Variants in SLC6A2 observed in about 807,000 individuals in gnomAD.
SLC6A2 encodes the protein solute carrier family 6 member 2.
SLC6A2 carries 26 observed loss-of-function variants against 71.7 expected under a neutral mutation model. The observed-to-expected ratio is 0.36, with a 90% confidence interval of 0.27 to 0.50. SLC6A2 has a LOEUF of 0.50. Ranked by LOEUF, SLC6A2 falls within the 20% of genes least tolerant of loss-of-function variation. The pLI is 0.96. For synonymous variants in SLC6A2, 363 were observed against 337.9 expected (o/e 1.07, Z -0.82); for missense variants, 581 against 803.9 (o/e 0.72, Z 3.35).
chr16:55,685,385 C>T lies in SLC6A2; in HGVS notation c.783+104C>T, dbSNP rs191483745. On this transcript the variant is annotated intron_variant, in intron 5 of 14. Coordinates refer to ENST00000568943, the MANE Select transcript of SLC6A2 (RefSeq NM_001172501.3). ...TAGCTGGTGGACAAAAAAGATGGAG[C>T]TGGAAGTGCAAGGCCTGGGTTCAAG... 9.1e-4 allele frequency: 1,147 copies of T among 1,261,982 alleles called. 10 individuals are homozygous for T. In the African/African-American group the frequency reaches 0.015, roughly 17 times the overall value. The allele number at this position is 1,261,982 out of a possible 1,614,324, so 78.2% of individuals were successfully genotyped here.
intron 5 of SLC6A2, among the ~76,000 whole-genome samples, chr16:55,688,962 G>A (rs538674550): frequency 6.6e-6 from 1 of 152,160 alleles, no homozygotes; most frequent in African/African-American, 2.4e-5. Context: ...ATACCAGCAG[G>A]TATGGATTTA....
rs148030190 is a variant in SLC6A2 at position 55,672,603 on chromosome 16, T to A, written c.644+428T>A. On this transcript the variant is annotated intron_variant, in intron 4 of 14. Transcript: ENST00000568943. ...GGAGGTGACATAGGAACTGATGATG[T>A]CAGAGAAGGGAAGAGCTGGGGCTCC... Among the ~76,000 whole-genome samples the A allele has an allele frequency of 7.1e-4, 108 of 152,246 alleles. 1 individual carries two copies. The South Asian group carries it at 0.011, about 16-fold the overall frequency.
At chr16:55,669,450 T>C in intron 2 of SLC6A2, 115 bp from the exon 3 acceptor site, 1 of 1,109,324 alleles carries the variant, frequency 9.0e-7, no homozygotes. Context: ...CGCGTCGCCT[T>C]TGGAAACAGC....
chr16:55,660,693 T>G (rs905673170), intron 2 of SLC6A2, among the ~76,000 whole-genome samples: 3 of 152,032 alleles, frequency 2.0e-5, no homozygotes, highest in Non-Finnish European at 4.4e-5. Context: ...TTCCCAGCCA[T>G]AGGTGAACAT....
Position 55,703,586 on chromosome 16 carries a change from T to A in SLC6A2, c.*1240T>A, listed in dbSNP as rs1966037345. On this transcript the variant is annotated 3_prime_UTR_variant, in exon 15 of 15. Coordinates refer to ENST00000568943, the MANE Select transcript of SLC6A2 (RefSeq NM_001172501.3). The stretch of plus-strand genomic sequence containing the variant: ...TCTACTTCTGATACAAACTTGCACT[T>A]GGTGCCCTCTGGTGGTGTTTAGTTT... 1 of 985,388 alleles carries A rather than the reference T, an allele frequency of 1.0e-6. No individual in the cohort carries two copies. The allele number at this position is 985,388 out of a possible 1,614,324, so 61.0% of individuals were successfully genotyped here.
chr16:55,699,304 C>T (rs558890599), intron 11 of SLC6A2, among the ~76,000 whole-genome samples: 1 of 152,340 alleles, frequency 6.6e-6, no homozygotes, highest in Admixed American at 6.5e-5. Context: ...CAAATCCCCT[C>T]ACCTCTTTGA....
In SLC6A2 at chr16:55,691,982, C is replaced by G. The variant is rs45564432; in HGVS notation, c.848C>G (p.Thr283Arg). 1.0e-3 allele frequency: 1,660 copies of G among 1,614,184 alleles called. 25 individuals are homozygous for G. In the African/African-American group the frequency reaches 0.021, roughly 20 times the overall value. ...TTCGTGCTCCTGGTCCATGGCGTCA[C>G]GCTGCCCGGAGCCTCCAATGGCATC... ...VLFVLLVHGV[T>R]LPGASNGINA... is the part of the protein sequence containing the mutation. Residue 283 changes from threonine to arginine, a missense_variant, in exon 6 of 15, where the codon ACG becomes AGG. Coordinates refer to ENST00000568943, the MANE Select transcript of SLC6A2 (RefSeq NM_001172501.3).
At chr16:55,676,386 C>T (rs1227776754) in intron 4 of SLC6A2, among the ~76,000 whole-genome samples, 1 of 152,162 alleles carries the variant, frequency 6.6e-6, no homozygotes, top group Non-Finnish European at 1.5e-5. Flanking sequence ...TAACTCTTAT[C>T]CTCATCACAC....
At chr16:55,666,768 G>A (rs2142501627) in intron 2 of SLC6A2, among the ~76,000 whole-genome samples, 1 of 152,200 alleles carries the variant, frequency 6.6e-6, no homozygotes, top group East Asian at 1.9e-4. Flanking sequence ...GAGGTTTAGA[G>A]TTGAGGAAAC....
intron 2 of SLC6A2, among the ~76,000 whole-genome samples, chr16:55,668,877 G>T (rs1596959981): frequency 6.6e-6 from 1 of 152,168 alleles, no homozygotes; most frequent in African/African-American, 2.4e-5. Flanking sequence ...CACAAGGCCG[G>T]AATGTGAATC....
intron 4 of SLC6A2, among the ~76,000 whole-genome samples, chr16:55,672,819 G>A (rs961275024): frequency 6.6e-5 from 10 of 152,340 alleles, no homozygotes; most frequent in South Asian, 2.1e-4. Context: ...ATGTGTGCAC[G>A]AGAAGCACTG....
chr16:55,663,055 C>T (rs1964652761), intron 2 of SLC6A2, among the ~76,000 whole-genome samples: 1 of 152,150 alleles, frequency 6.6e-6, no homozygotes, highest in African/African-American at 2.4e-5. Context: ...TATAATGAGC[C>T]CCAGGTTGTT....
intron 5 of SLC6A2, among the ~76,000 whole-genome samples, chr16:55,690,305 G>A (rs1965576449): frequency 1.3e-5 from 2 of 152,184 alleles, no homozygotes; most frequent in Non-Finnish European, 2.9e-5. Flanking sequence ...AGGAGCTCAT[G>A]ATCTAGTGGG....
chr16:55,701,800 C>A, intron 13 of SLC6A2, 63 bp from the exon 14 acceptor site: 2 of 1,286,984 alleles, frequency 1.6e-6, no homozygotes, highest in African/African-American at 1.5e-5. Flanking sequence ...GGGGGTGCAG[C>A]CAGGCTGCCA....
At position 55,656,751 on chromosome 16, in the gene SLC6A2, G is replaced by A. The variant is rs1330833839; in HGVS notation, c.57G>A (p.Thr19=). 1.2e-6 allele frequency: 2 copies of A among 1,613,174 alleles called. No individual in the cohort carries two copies. Among genetic ancestry groups the A allele is most frequent in the South Asian group, 2.2e-5 (2 of 91,050 alleles). ...QVQPENNGAD[T]GPEQPLRARK... is the part of the protein sequence containing the mutation. ...AGCCCGAGAACAACGGGGCGGACAC[G>A]GGTCCAGAGCAGCCCCTTCGGGCGC... Residue 19 remains threonine (T), a synonymous_variant, in exon 2 of 15, where the codon ACG becomes ACA. Coordinates refer to ENST00000568943, the MANE Select transcript of SLC6A2 (RefSeq NM_001172501.3). The surrounding 1 kb of genome is among the most constrained non-coding windows in gnomAD (Gnocchi z 4.5).
intron 4 of SLC6A2, among the ~76,000 whole-genome samples, chr16:55,674,279 C>T (rs567111042): frequency 1.3e-5 from 2 of 152,156 alleles, no homozygotes; most frequent in East Asian, 1.9e-4. Context: ...TAAGTAAGAA[C>T]GTGCAGTATT....
rs985405762 is a variant in SLC6A2, at chr16:55,700,042, A to T, written c.1591-97A>T. 6.1e-5 allele frequency: 63 copies of T among 1,031,082 alleles called. No individual in the cohort carries two copies. In the African/African-American group the frequency reaches 9.1e-4, roughly 15 times the overall value. 63.9% of individuals were successfully genotyped at this position (1,031,082 alleles called of 1,614,324 possible). On this transcript the variant is annotated intron_variant, in intron 12 of 14. Coordinates refer to ENST00000568943, the MANE Select transcript of SLC6A2 (RefSeq NM_001172501.3). ...TTTGCTGTGATGCTCACTTCTCTTC[A>T]TTTCTCTCCCACCTTTCTTCCACCT...
chr16:55,674,067 G>C (rs1965006689), intron 4 of SLC6A2, among the ~76,000 whole-genome samples: 1 of 152,120 alleles, frequency 6.6e-6, no homozygotes, highest in African/African-American at 2.4e-5. Context: ...GGGTACACAA[G>C]TAGGTTGTTA....
chr16:55,659,843 G>C (rs1359876455), intron 2 of SLC6A2, among the ~76,000 whole-genome samples: 1 of 152,180 alleles, frequency 6.6e-6, no homozygotes. Flanking sequence ...TAGCTGTAAG[G>C]CTTTGGCAAG....
Sources: allele counts gnomAD v4.1 joint callset (sites outside exome capture counted in the v4.1 genomes callset), GRCh38; gene constraint gnomAD v4.1.1; non-coding constraint Gnocchi (gnomAD v3.1); transcripts MANE v1.5; gene names NCBI Gene and HGNC (gene_info 2026-07-23, HGNC 2026-07-21).